SMIM3: variants seen among roughly 807,000 people sequenced by gnomAD.
SMIM3 encodes the protein NGF-induced differentiation clone 67 protein.
SMIM3 carries 4 observed loss-of-function variants against 2.1 expected under a neutral mutation model. The ratio of observed to expected loss-of-function variants is 1.89; its 90% CI spans 0.93 to 4.31. SMIM3 has a LOEUF of 4.31. SMIM3 is among the 30% of genes most tolerant of loss of function. The pLI is 0.01. For synonymous variants in SMIM3, 29 were observed against 30.8 expected (o/e 0.94, Z 0.19); for missense variants, 79 against 77.7 (o/e 1.02, Z -0.06).
At chr5:150,781,549 A>T (rs1385126195) in intron 1 of SMIM3, among the ~76,000 whole-genome samples, 1 of 152,130 alleles carries the variant, frequency 6.6e-6, no homozygotes, top group Non-Finnish European at 1.5e-5. Context: ...TTGCACTCTG[A>T]TTGGCTGATT....
At chr5:150,780,781 A>C (rs781771049) in intron 1 of SMIM3, among the ~76,000 whole-genome samples, 35 of 152,144 alleles carry the variant, frequency 2.3e-4, no homozygotes, top group Non-Finnish European at 4.3e-4. Context: ...TGAAACATGC[A>C]AAGGAAATAC....
At chr5:150,785,083 C>CTTTTTTT (rs35401611) in intron 1 of SMIM3, among the ~76,000 whole-genome samples, 50 of 92,162 alleles carry the variant, frequency 5.4e-4, no homozygotes, top group Non-Finnish European at 9.0e-4. Flanking sequence ...CTGAAAATGT[C>CTTTTTTT]TTTTTTTTTT....
At chr5:150,783,054 T>C (rs1753252807) in intron 1 of SMIM3, among the ~76,000 whole-genome samples, 1 of 151,756 alleles carries the variant, frequency 6.6e-6, no homozygotes, top group African/African-American at 2.4e-5. Flanking sequence ...AAGATAAGAG[T>C]GATAGTTTAA....
chr5:150,783,914 CTTTTTTTTTT>C (rs557905770), intron 1 of SMIM3, among the ~76,000 whole-genome samples: 2 of 124,360 alleles, frequency 1.6e-5, no homozygotes, highest in African/African-American at 6.7e-5. Flanking sequence ...TTTGAACTCC[CTTTTTTTTTT>C]TTTTTTTTTT....
intron 1 of SMIM3, 77 bp from the exon 2 acceptor site, chr5:150,795,353 C>T: frequency 1.3e-6 from 2 of 1,484,442 alleles, no homozygotes; most frequent in Non-Finnish European, 1.9e-6. Flanking sequence ...AGGCTTCTGA[C>T]TCCTGAGGGT....
rs1175331288 is a variant in SMIM3 at position 150,796,029 on chromosome 5, A to C, written c.*406A>C. ...TACTGGGGGCAGAGCAGACTTTGCCAGTGCCCCTCAGGTCAAACCAAGCCA... is the reference window on the plus strand; with the variant it reads ...TACTGGGGGCAGAGCAGACTTTGCCCGTGCCCCTCAGGTCAAACCAAGCCA... On this transcript the variant is annotated 3_prime_UTR_variant, in exon 2 of 2. Coordinates refer to ENST00000526627, the MANE Select transcript of SMIM3 (RefSeq NM_032947.5). 5.3e-6 allele frequency: 1 copy of C among 186,934 alleles called. No homozygotes were observed. Among genetic ancestry groups the C allele is most frequent in the African/African-American group, 2.4e-5 (1 of 42,474 alleles). 11.6% of individuals were successfully genotyped at this position (186,934 alleles called of 1,614,324 possible).
At position 150,795,561 on chromosome 5, in the gene SMIM3, C is replaced by G; in HGVS notation, c.121C>G (p.Pro41Ala). ...IVIMTSLLLC[P>A]ATAVIIYRMR... ...CATCATGACCTCGTTGTTGCTGTGCCCAGCCACTGCAGTAATCATCTATCG... is the reference window on the plus strand; with the variant it reads ...CATCATGACCTCGTTGTTGCTGTGCGCAGCCACTGCAGTAATCATCTATCG... Residue 41 changes from proline (P) to alanine (A), a missense_variant, in exon 2 of 2, where the codon CCA (proline) becomes GCA (alanine). Pro to Ala is a conservative substitution (Grantham distance 27). Transcript: ENST00000526627. 3.7e-6 allele frequency: 6 copies of G among 1,604,004 alleles called. No homozygotes were observed. The highest frequency in any genetic ancestry group is 5.1e-6 in the Non-Finnish European group (6 of 1,177,858).
intron 1 of SMIM3, among the ~76,000 whole-genome samples, chr5:150,784,805 GCTTT>G (rs1422066094): frequency 2.0e-5 from 3 of 151,964 alleles, no homozygotes; most frequent in East Asian, 3.9e-4. Flanking sequence ...CTTTCTCTGT[GCTTT>G]CTATTTGTCC....
intron 1 of SMIM3, among the ~76,000 whole-genome samples, chr5:150,782,901 G>A (rs937993088): frequency 1.3e-5 from 2 of 152,312 alleles, no homozygotes; most frequent in East Asian, 1.9e-4. Flanking sequence ...TACACAAGAG[G>A]TGAGGCTTCT....
chr5:150,793,365 G>A (rs1359456403), intron 1 of SMIM3, among the ~76,000 whole-genome samples: 1 of 151,970 alleles, frequency 6.6e-6, no homozygotes, highest in East Asian at 1.9e-4. Flanking sequence ...CATAGTCAAG[G>A]CAAGACTAAG....
chr5:150,778,895 C>T lies in SMIM3; in HGVS notation c.-89C>T. The T allele has an allele frequency of 4.0e-6, 2 of 504,848 alleles. No individual in the cohort carries two copies. The highest frequency in any genetic ancestry group is 8.1e-6 in the Non-Finnish European group (2 of 246,382). The allele number at this position is 504,848 out of a possible 1,614,324, so 31.3% of individuals were successfully genotyped here. A position where few individuals can be genotyped will look rare whatever the true frequency, so the allele number is the denominator to read the frequency against. ...GGGGTCGCTTCCAGCTGCCAGATCC[C>T]GTGCAGTCCTGGGGACCCTGAGAAG... On this transcript the variant is annotated 5_prime_UTR_variant, in exon 1 of 2. Transcript: ENST00000526627.
chr5:150,791,235 A>G (rs989881934), intron 1 of SMIM3, among the ~76,000 whole-genome samples: 2 of 152,232 alleles, frequency 1.3e-5, no homozygotes, highest in African/African-American at 2.4e-5. Flanking sequence ...ATCATCCTAT[A>G]CACAAGTGTT....
intron 1 of SMIM3, among the ~76,000 whole-genome samples, chr5:150,785,081 GTCT>G (rs2097809975): frequency 8.1e-6 from 1 of 123,190 alleles, no homozygotes; most frequent in African/African-American, 3.2e-5. Flanking sequence ...TTCTGAAAAT[GTCT>G]TTTTTTTTTT....
In SMIM3 at chr5:150,795,506, T is replaced by G; in HGVS notation, c.66T>G (p.Val22=). The change falls in exon 2 of 2, where the codon GTT becomes GTG. Residue 22 remains valine, a synonymous_variant. Coordinates refer to ENST00000526627, the MANE Select transcript of SMIM3 (RefSeq NM_032947.5). ...VLPKHILDIW[V]IVLIILATIV... The stretch of plus-strand genomic sequence containing the variant: ...CCAAGCACATCCTGGATATCTGGGT[T>G]ATTGTCCTCATCATCCTGGCCACCA... The G allele has an allele frequency of 6.2e-7, 1 of 1,613,722 alleles. No homozygotes were observed. Among genetic ancestry groups the G allele is most frequent in the South Asian group, 1.1e-5 (1 of 91,082 alleles).
chr5:150,782,488 GC>G (rs1233099520), intron 1 of SMIM3, among the ~76,000 whole-genome samples: 40 of 152,086 alleles, frequency 2.6e-4, no homozygotes, highest in Admixed American at 2.4e-3. Flanking sequence ...CAGCTCCTGA[GC>G]ACATGGAGTC....
chr5:150,793,439 C>T (rs1372324214), intron 1 of SMIM3, among the ~76,000 whole-genome samples: 1 of 152,144 alleles, frequency 6.6e-6, no homozygotes, highest in Non-Finnish European at 1.5e-5. Flanking sequence ...AGGCCATAGT[C>T]ACCAAAATAG....
intron 1 of SMIM3, among the ~76,000 whole-genome samples, chr5:150,786,091 C>A (rs1753291289): frequency 6.6e-6 from 1 of 150,862 alleles, no homozygotes; most frequent in African/African-American, 2.5e-5. Flanking sequence ...TCCTCTATCT[C>A]TCTTACCTAT....
At position 150,787,930 on chromosome 5, in the gene SMIM3, C is replaced by A. The variant is rs186024453; in HGVS notation, c.-11-7500C>A. On this transcript the variant is annotated intron_variant, in intron 1 of 1. Coordinates refer to ENST00000526627, the MANE Select transcript of SMIM3 (RefSeq NM_032947.5). ...GTCCTGAGAGAGTATCTTGCAAATA[C>A]CAAGTACTTGACATATGAATAAATG... Among the ~76,000 whole-genome samples the A allele has an allele frequency of 1.2e-4, 19 of 152,082 alleles. No individual in the cohort carries two copies. The East Asian group carries it at 3.7e-3, about 29-fold the overall frequency.
chr5:150,792,952 TAC>T lies in SMIM3; in HGVS notation c.-11-2474_-11-2473del, dbSNP rs558446361. The stretch of plus-strand genomic sequence containing the variant: ...AATATTATTCCAAAGTTTGAAAAGT[TAC>T]ACAGTGTCCAGCAGGTGCATATATT... On this transcript the variant is annotated intron_variant, in intron 1 of 1. Transcript: ENST00000526627. Among the ~76,000 whole-genome samples the T allele has an allele frequency of 5.3e-5, 8 of 152,322 alleles. No individual in the cohort carries two copies. The East Asian group carries it at 1.2e-3, about 22-fold the overall frequency.
Sources: allele counts gnomAD v4.1 joint callset (sites outside exome capture counted in the v4.1 genomes callset), GRCh38; gene constraint gnomAD v4.1.1; transcripts MANE v1.5; gene names NCBI Gene and HGNC (gene_info 2026-07-23, HGNC 2026-07-21).